TBC1D1: variants seen among roughly 807,000 people sequenced by gnomAD.
TBC1D1 encodes TBC1 (tre-2/USP6, BUB2, cdc16) domain family, member 1.
TBC1D1 carries 89 observed loss-of-function variants against 125.6 expected under a neutral mutation model. That is an observed-to-expected ratio of 0.71 (90% confidence interval 0.60 to 0.85). The LOEUF is 0.85. Ranked by LOEUF, TBC1D1 falls within the 40% of genes least tolerant of loss-of-function variation. The pLI, the probability that TBC1D1 is intolerant of heterozygous loss-of-function variation, is 0.00. For synonymous variants in TBC1D1, 565 were observed against 564.1 expected (o/e 1.00, Z -0.02); for missense variants, 1,377 against 1,469.2 (o/e 0.94, Z 1.03).
intron 12 of TBC1D1, among the ~76,000 whole-genome samples, chr4:38,057,479 A>T (rs1751939105): frequency 6.6e-6 from 1 of 152,178 alleles, no homozygotes; most frequent in African/African-American, 2.4e-5. Context: ...AGATTCTTGC[A>T]AACTTAGTGA....
chr4:37,981,990 G>A (rs892800177), intron 2 of TBC1D1, among the ~76,000 whole-genome samples: 3 of 152,334 alleles, frequency 2.0e-5, no homozygotes, highest in East Asian at 3.9e-4. Flanking sequence ...TTGCTATCTT[G>A]TTTGTCTGTG....
At chr4:38,104,547 A>C (rs914644886) in intron 15 of TBC1D1, among the ~76,000 whole-genome samples, 9 of 152,168 alleles carry the variant, frequency 5.9e-5, no homozygotes, top group Non-Finnish European at 1.3e-4. Flanking sequence ...CTGCTTCCAG[A>C]ATACCTGTTC....
chr4:37,937,275 G>A (rs1337914432), intron 2 of TBC1D1, among the ~76,000 whole-genome samples: 4 of 152,188 alleles, frequency 2.6e-5, no homozygotes, highest in Admixed American at 6.5e-5. Context: ...GAAAACGGGA[G>A]AGAGTGAATA....
chr4:37,922,713 A>G (rs1721268850), intron 2 of TBC1D1, among the ~76,000 whole-genome samples: 3 of 152,154 alleles, frequency 2.0e-5, no homozygotes, highest in African/African-American at 2.4e-5. Context: ...ATCGGCATCC[A>G]TTCTACTGAA....
At chr4:38,035,744 GTC>G in intron 8 of TBC1D1, 46 bp downstream of exon 8, 1 of 1,389,642 alleles carries the variant, frequency 7.2e-7, no homozygotes, top group Non-Finnish European at 1.0e-6. Context: ...TCTCTGCCAA[GTC>G]TCTGTATAAA....
intron 2 of TBC1D1, among the ~76,000 whole-genome samples, chr4:37,978,058 T>A (rs1292673238): frequency 6.6e-6 from 1 of 152,254 alleles, no homozygotes; most frequent in Non-Finnish European, 1.5e-5. Flanking sequence ...TTCTGAGGTC[T>A]GAGTTTTAAA....
chr4:38,053,350 CTTCT>C (rs1751088814), intron 11 of TBC1D1, 125 bp downstream of exon 13: 6 of 853,142 alleles, frequency 7.0e-6, no homozygotes, highest in Non-Finnish European at 9.5e-6. Context: ...TCTGTTGTAT[CTTCT>C]TTCTTATACT....
rs556672455 is a variant in TBC1D1, at chr4:37,997,940, C to A, written c.418-16569C>A. ...TAAGATGTCTTTGAGAAGAGAAAAC[C>A]CATGTGAGTAAATATTGAGTTGTAA... On this transcript the variant is annotated intron_variant, in intron 2 of 19. Coordinates refer to ENST00000261439, the MANE Select transcript of TBC1D1 (RefSeq NM_015173.4). Among the ~76,000 whole-genome samples, 3 of 152,182 alleles carry A rather than the reference C, an allele frequency of 2.0e-5. No individual in the cohort carries two copies. The South Asian group carries it at 6.2e-4, about 32-fold the overall frequency.
intron 1 of TBC1D1, among the ~76,000 whole-genome samples, chr4:37,900,550 T>A (rs1715735793): frequency 6.6e-6 from 1 of 152,004 alleles, no homozygotes; most frequent in Non-Finnish European, 1.5e-5. Context: ...TAGCAGTGAA[T>A]CAGACAGATG....
chr4:37,970,869 C>A (rs1293530004), intron 2 of TBC1D1, among the ~76,000 whole-genome samples: 1 of 152,194 alleles, frequency 6.6e-6, no homozygotes, highest in South Asian at 2.1e-4. Context: ...CTATTTTTAA[C>A]CAGGTCTTAG....
chr4:37,895,220 T>C (rs1180543345), intron 1 of TBC1D1, among the ~76,000 whole-genome samples: 1 of 152,180 alleles, frequency 6.6e-6, no homozygotes, highest in Non-Finnish European at 1.5e-5. Flanking sequence ...GTTAAATCAG[T>C]TAATAAACAC....
At chr4:38,109,525 G>A (rs1304851981) in intron 15 of TBC1D1, among the ~76,000 whole-genome samples, 1 of 152,176 alleles carries the variant, frequency 6.6e-6, no homozygotes, top group Non-Finnish European at 1.5e-5. Context: ...TTGGTGTTCA[G>A]TGTTTGCAGA....
intron 15 of TBC1D1, among the ~76,000 whole-genome samples, chr4:38,115,497 A>C (rs531279782): frequency 6.6e-6 from 1 of 152,346 alleles, no homozygotes; most frequent in East Asian, 1.9e-4. Flanking sequence ...AATAAATAAA[A>C]CAACCATGAG....
intron 18 of TBC1D1, among the ~76,000 whole-genome samples, chr4:38,131,588 A>G (rs1765592877): frequency 6.6e-6 from 1 of 152,190 alleles, no homozygotes; most frequent in African/African-American, 2.4e-5. Flanking sequence ...CCTGGGAGGT[A>G]GGCGCTGTCT....
chr4:38,029,306 A>G (rs951230654), intron 7 of TBC1D1, among the ~76,000 whole-genome samples: 3 of 152,204 alleles, frequency 2.0e-5, no homozygotes, highest in Non-Finnish European at 4.4e-5. Flanking sequence ...GGAAAAGACT[A>G]TACTAGGATC....
intron 2 of TBC1D1, among the ~76,000 whole-genome samples, chr4:37,954,151 C>G (rs1728444876): frequency 6.6e-6 from 1 of 152,142 alleles, no homozygotes; most frequent in Non-Finnish European, 1.5e-5. Context: ...TGACTTTGGC[C>G]TTTTGTTGTG....
chr4:38,063,599 G>C (rs895891573), intron 12 of TBC1D1, among the ~76,000 whole-genome samples: 2 of 152,124 alleles, frequency 1.3e-5, no homozygotes, highest in Non-Finnish European at 2.9e-5. Flanking sequence ...TATCCACAGA[G>C]TTGTGTGACC....
chr4:38,052,194 TGCGCGCGC>T lies in TBC1D1; in HGVS notation c.1911-2003_1911-1996del, dbSNP rs561090742. 3.2e-3 allele frequency: 1,845 copies of T among 581,280 alleles called. 18 individuals carry two copies. Among genetic ancestry groups the T allele is most frequent in the African/African-American group, 0.029 (1,467 of 51,102 alleles). The allele number at this position is 581,280 out of a possible 1,614,324, so 36.0% of individuals were successfully genotyped here. ...GTGTGTGTGTGTGTGTGTGTGTGTG[TGCGCGCGC>T]GTGTGTGTCTTTGTTTATATTTTGT... On this transcript the variant is annotated intron_variant, in intron 11 of 19. Transcript: ENST00000261439.
chr4:37,942,819 C>T (rs182940015), intron 2 of TBC1D1, among the ~76,000 whole-genome samples: 7 of 152,270 alleles, frequency 4.6e-5, no homozygotes, highest in Non-Finnish European at 1.0e-4. Flanking sequence ...GGATTACAGG[C>T]GTGAGCCACC....
Sources: gnomAD v4.1 joint callset for allele counts (sites outside exome capture counted in the v4.1 genomes callset) on GRCh38, gnomAD v4.1.1 for gene constraint, MANE v1.5 for transcripts, NCBI Gene and HGNC (gene_info 2026-07-23, HGNC 2026-07-21) for gene names.